Variants in PLXDC2 observed in about 807,000 individuals in gnomAD.
The protein encoded by PLXDC2 is plexin domain containing 2.
In PLXDC2, 40 loss-of-function variants were observed where a neutral mutation model predicts 68.9. The observed-to-expected ratio is 0.58, with a 90% CI of 0.45 to 0.76. The LOEUF is 0.76. PLXDC2 is among the 30% of genes least tolerant of loss of function. PLXDC2 has a pLI of 0.00. For missense variants in PLXDC2, 644 were observed against 661.9 expected (o/e 0.97, Z 0.30); for synonymous variants, 243 against 234.2 (o/e 1.04, Z -0.34).
chr10:20,014,549 C>T (rs767865774), intron 2 of PLXDC2, among the ~76,000 whole-genome samples: 1 of 151,866 alleles, frequency 6.6e-6, no homozygotes, highest in Non-Finnish European at 1.5e-5. Flanking sequence ...CTTCTTGAAG[C>T]AGCTATAGCT....
At chr10:20,135,573 A>G (rs1833922826) in intron 4 of PLXDC2, among the ~76,000 whole-genome samples, 1 of 152,170 alleles carries the variant, frequency 6.6e-6, no homozygotes, top group South Asian at 2.1e-4. Flanking sequence ...TTTGATTTTC[A>G]GCTTTTGTTT....
intron 1 of PLXDC2, among the ~76,000 whole-genome samples, chr10:19,927,770 C>G (rs1465872373): frequency 6.8e-6 from 1 of 147,434 alleles, no homozygotes; most frequent in Non-Finnish European, 1.5e-5. Context: ...TAATATCCTC[C>G]TTGAAAAATG....
intron 4 of PLXDC2, among the ~76,000 whole-genome samples, chr10:20,118,903 A>C (rs776332877): frequency 1.1e-4 from 16 of 151,046 alleles, no homozygotes; most frequent in Admixed American, 6.6e-4. Flanking sequence ...TGGCAGGGCC[A>C]GAATTTACAT....
intron 6 of PLXDC2, among the ~76,000 whole-genome samples, chr10:20,161,406 G>A (rs1834289409): frequency 6.6e-6 from 1 of 151,102 alleles, no homozygotes; most frequent in Admixed American, 6.6e-5. Flanking sequence ...GCTGTAGCAA[G>A]GGTCCAAGAA....
intron 1 of PLXDC2, among the ~76,000 whole-genome samples, chr10:19,846,924 GCACGTCTTA>G (rs1837020542): frequency 3.9e-5 from 6 of 152,134 alleles, no homozygotes; most frequent in Admixed American, 3.3e-4. Flanking sequence ...AAGGGAAAAG[GCACGTCTTA>G]CACGGCAGCG....
intron 1 of PLXDC2, among the ~76,000 whole-genome samples, chr10:19,912,474 G>C (rs547897158): frequency 6.6e-6 from 1 of 152,092 alleles, no homozygotes; most frequent in South Asian, 2.1e-4. Flanking sequence ...TCTTATGTAG[G>C]CTAGCAAATC....
At chr10:19,844,684 C>T (rs914605628) in intron 1 of PLXDC2, among the ~76,000 whole-genome samples, 2 of 151,904 alleles carry the variant, frequency 1.3e-5, no homozygotes, top group Non-Finnish European at 2.9e-5. Context: ...CAACCTCTGC[C>T]TTCTGGGCTC....
At chr10:20,050,098 C>T (rs1835865952) in intron 3 of PLXDC2, among the ~76,000 whole-genome samples, 1 of 152,064 alleles carries the variant, frequency 6.6e-6, no homozygotes, top group South Asian at 2.1e-4. Context: ...CTGACAAAAA[C>T]AAGCAATGGA....
chr10:19,949,433 A>G (rs1564636766), intron 1 of PLXDC2, among the ~76,000 whole-genome samples: 1 of 152,188 alleles, frequency 6.6e-6, no homozygotes, highest in Admixed American at 6.5e-5. Context: ...TCTTCTGAGA[A>G]TACATGAGGC....
intron 1 of PLXDC2, among the ~76,000 whole-genome samples, chr10:19,831,141 G>A (rs908347264): frequency 1.3e-5 from 2 of 152,104 alleles, no homozygotes; most frequent in Non-Finnish European, 2.9e-5. Context: ...CCATTAAAAT[G>A]ATTCAAATCT....
At chr10:20,062,651 G>A (rs1836127568) in intron 3 of PLXDC2, among the ~76,000 whole-genome samples, 1 of 151,996 alleles carries the variant, frequency 6.6e-6, no homozygotes, top group Non-Finnish European at 1.5e-5. Flanking sequence ...TTTATGATGA[G>A]TAAAGGAGCA....
intron 13 of PLXDC2, among the ~76,000 whole-genome samples, chr10:20,263,200 G>A (rs1489478316): frequency 2.6e-5 from 4 of 152,094 alleles, no homozygotes; most frequent in Non-Finnish European, 5.9e-5. Context: ...CAGAAATAAG[G>A]CCACACATCT....
intron 1 of PLXDC2, among the ~76,000 whole-genome samples, chr10:19,862,350 A>G (rs1264494944): frequency 6.6e-6 from 1 of 152,244 alleles, no homozygotes; most frequent in Non-Finnish European, 1.5e-5. Flanking sequence ...CCATTGAACC[A>G]AGGAGTAACA....
At chr10:20,075,584 T>C (rs1836427440) in intron 4 of PLXDC2, among the ~76,000 whole-genome samples, 2 of 152,114 alleles carry the variant, frequency 1.3e-5, no homozygotes, top group South Asian at 4.1e-4. Context: ...CACTGGCTCC[T>C]TGTGGCAGGG....
At chr10:20,027,291 T>G (rs952535678) in intron 2 of PLXDC2, among the ~76,000 whole-genome samples, 8 of 151,970 alleles carry the variant, frequency 5.3e-5, no homozygotes, top group Non-Finnish European at 1.0e-4. Context: ...TGGGAAGTGT[T>G]TAGTTTATAA....
intron 1 of PLXDC2, among the ~76,000 whole-genome samples, chr10:19,980,169 T>A (rs1021501184): frequency 6.6e-6 from 1 of 152,220 alleles, no homozygotes; most frequent in South Asian, 2.1e-4. Flanking sequence ...CATTTTTTAA[T>A]AGCAAGATGT....
intron 1 of PLXDC2, among the ~76,000 whole-genome samples, chr10:19,943,316 G>T (rs1214025781): frequency 6.6e-6 from 1 of 151,936 alleles, no homozygotes; most frequent in East Asian, 1.9e-4. Flanking sequence ...TACAGTAATA[G>T]ATGCTAAATT....
chr10:19,991,258 A>AC (rs1237669970), intron 1 of PLXDC2, among the ~76,000 whole-genome samples: 1 of 150,800 alleles, frequency 6.6e-6, no homozygotes, highest in Non-Finnish European at 1.5e-5. Context: ...AAAAAAAAAA[A>AC]ACAACAACTG....
intron 1 of PLXDC2, among the ~76,000 whole-genome samples, chr10:19,820,913 A>G (rs1015758252): frequency 3.3e-5 from 5 of 152,092 alleles, no homozygotes; most frequent in Non-Finnish European, 4.4e-5. Flanking sequence ...CCCCGCCTCT[A>G]CTAAAAATAC....
Sources: allele counts gnomAD v4.1 joint callset (sites outside exome capture counted in the v4.1 genomes callset), GRCh38; gene constraint gnomAD v4.1.1; transcripts MANE v1.5; gene names NCBI Gene and HGNC (gene_info 2026-07-23, HGNC 2026-07-21).